Variants in RIPK1 observed in about 807,000 individuals in gnomAD.
The protein encoded by RIPK1 is receptor-interacting serine/threonine-protein kinase 1.
In RIPK1, 27 loss-of-function variants were observed where a neutral mutation model predicts 62.4. The observed-to-expected ratio is 0.43, with a 90% CI of 0.32 to 0.60. The LOEUF is 0.60. RIPK1 is among the 20% of genes least tolerant of loss of function. The probability of loss-of-function intolerance (pLI) is 0.07; values close to 1 mark genes in which losing one functional copy is unlikely to be tolerated. For missense variants in RIPK1, 735 were observed against 831.0 expected, an observed-to-expected ratio of 0.88 and a Z score of 1.42; for synonymous variants, 287 against 303.2, an observed-to-expected ratio of 0.95 and a Z score of 0.55.
At position 3,113,640 on chromosome 6, in the gene RIPK1, G is replaced by A. The variant is rs1410343186; in HGVS notation, c.*301G>A. ...GCGCCCAGCCAACAATCCGCTCTGA[G>A]GAAAGCGTAAGCAGGAAGACCTCTT... On this transcript the variant is annotated 3_prime_UTR_variant, in exon 11 of 11. Coordinates refer to ENST00000259808, the MANE Select transcript of RIPK1 (RefSeq NM_001354930.2). This position sits in a 1 kb window ranked among gnomAD's most constrained non-coding sequence, Gnocchi z 5.0. The A allele has an allele frequency of 3.2e-6, 1 of 315,480 alleles. No individual in the cohort carries two copies. The allele number at this position is 315,480 out of a possible 1,614,324, so 19.5% of individuals were successfully genotyped here.
rs534234009 is a variant in RIPK1, at chr6:3,072,087, C to G, written c.-61+3426C>G. ...TAACTGATTCTCTCCTCTGTACATG[C>G]TAAGTGTTTTACCTACTTTTGCTGT... On this transcript the variant is annotated intron_variant, in intron 1 of 10. Transcript: ENST00000259808. The surrounding 1 kb of genome is among the most constrained non-coding windows in gnomAD (Gnocchi z 5.6). 6.6e-6 allele frequency among the ~76,000 whole-genome samples: 1 copy of G among 152,302 alleles called. No homozygotes were observed. Among genetic ancestry groups the G allele is most frequent in the East Asian group, 1.9e-4 (1 of 5,194 alleles).
intron 7 of RIPK1, among the ~76,000 whole-genome samples, chr6:3,090,043 C>T (rs530745672): frequency 6.6e-5 from 10 of 152,264 alleles, no homozygotes; most frequent in African/African-American, 1.9e-4. Context: ...GAAGAAGTAC[C>T]GGAGGGGCAG....
intron 3 of RIPK1, among the ~76,000 whole-genome samples, chr6:3,078,623 T>C (rs1041771677): frequency 6.6e-6 from 1 of 152,248 alleles, no homozygotes; most frequent in African/African-American, 2.4e-5. Flanking sequence ...ATATACACTA[T>C]AAATGACCGT....
At chr6:3,071,945 C>T (rs545955217) in intron 1 of RIPK1, among the ~76,000 whole-genome samples, 58 of 152,342 alleles carry the variant, frequency 3.8e-4, no homozygotes, top group African/African-American at 1.2e-3. Flanking sequence ...TTTTTCAGGG[C>T]ATGTTGTAGT....
chr6:3,070,625 A>G (rs1758661350), intron 1 of RIPK1, among the ~76,000 whole-genome samples: 1 of 150,862 alleles, frequency 6.6e-6, no homozygotes, highest in Non-Finnish European at 1.5e-5. Flanking sequence ...TTTAGTAGAG[A>G]CAGGGCTTCA....
At chr6:3,112,132 G>A (rs1483054560) in intron 10 of RIPK1, among the ~76,000 whole-genome samples, 1 of 152,124 alleles carries the variant, frequency 6.6e-6, no homozygotes, top group South Asian at 2.1e-4. Flanking sequence ...AGGCAATGTC[G>A]GTCGGCAGTG....
intron 8 of RIPK1, among the ~76,000 whole-genome samples, chr6:3,104,637 G>T (rs17548280): frequency 6.6e-6 from 1 of 151,902 alleles, no homozygotes; most frequent in Non-Finnish European, 1.5e-5. Context: ...TACAGCCAGG[G>T]TACAAGCAGA....
intron 7 of RIPK1, among the ~76,000 whole-genome samples, chr6:3,095,416 A>C (rs1035232795): frequency 7.2e-5 from 11 of 152,224 alleles, no homozygotes; most frequent in Non-Finnish European, 1.5e-4. Context: ...TTCTCTAGAT[A>C]ATAGAGAAGA....
intron 4 of RIPK1, among the ~76,000 whole-genome samples, chr6:3,082,747 A>C (rs1581395416): frequency 6.6e-6 from 1 of 152,300 alleles, no homozygotes; most frequent in South Asian, 2.1e-4. Context: ...TAGTTGAAAA[A>C]CATACGCAGA....
chr6:3,113,029 C>A lies in RIPK1; in HGVS notation c.1730-24C>A. ...GTTTGAATGGGTTTTAGCTTGATACCTTCTTCTTTTTCCCATTTGGCAGAT... is the reference window on the plus strand; with the variant it reads ...GTTTGAATGGGTTTTAGCTTGATACATTCTTCTTTTTCCCATTTGGCAGAT... On this transcript the variant is annotated intron_variant, in intron 10 of 10. Transcript: ENST00000259808. The surrounding 1 kb of genome is among the most constrained non-coding windows in gnomAD (Gnocchi z 5.0). 1 of 1,511,734 alleles carries A rather than the reference C, an allele frequency of 6.6e-7. No individual in the cohort carries two copies. The highest frequency in any genetic ancestry group is 1.4e-5 in the South Asian group (1 of 73,074). The allele number at this position is 1,511,734 out of a possible 1,614,324, so 93.6% of individuals were successfully genotyped here.
At chr6:3,071,924 T>C (rs1357773767) in intron 1 of RIPK1, among the ~76,000 whole-genome samples, 1 of 152,230 alleles carries the variant, frequency 6.6e-6, no homozygotes, top group Non-Finnish European at 1.5e-5. Context: ...AACCTTTTAC[T>C]CAAAAGGGCA....
chr6:3,070,989 C>T (rs971146033), intron 1 of RIPK1, among the ~76,000 whole-genome samples: 1 of 152,192 alleles, frequency 6.6e-6, no homozygotes, highest in Non-Finnish European at 1.5e-5. Context: ...TCTTTATTTG[C>T]AAATTGAAAT....
chr6:3,073,677 C>T (rs1758887135), intron 1 of RIPK1, among the ~76,000 whole-genome samples: 1 of 152,310 alleles, frequency 6.6e-6, no homozygotes, highest in African/African-American at 2.4e-5. Flanking sequence ...GAGCTTCCTC[C>T]GCTAGACAGA....
intron 7 of RIPK1, among the ~76,000 whole-genome samples, chr6:3,100,719 T>G (rs1271948767): frequency 7.1e-6 from 1 of 141,528 alleles, no homozygotes; most frequent in African/African-American, 3.2e-5. Flanking sequence ...GCCTCCCGAG[T>G]AGCTGGGATT....
chr6:3,097,305 C>G (rs570118404), intron 7 of RIPK1, among the ~76,000 whole-genome samples: 2 of 152,238 alleles, frequency 1.3e-5, no homozygotes, highest in African/African-American at 4.8e-5. Flanking sequence ...TGAAGAAGGA[C>G]AAGACTAGTA....
chr6:3,068,428 G>T, upstream of RIPK1: 7 of 985,470 alleles, frequency 7.1e-6, no homozygotes, highest in Non-Finnish European at 8.4e-6. Flanking sequence ...CACGAGCGGC[G>T]GGGCGGCGCT....
In RIPK1 at chr6:3,085,452, T is replaced by A; in HGVS notation, c.838+44T>A. On this transcript the variant is annotated intron_variant, in intron 6 of 10. Coordinates refer to ENST00000259808, the MANE Select transcript of RIPK1 (RefSeq NM_001354930.2). ...ACTGTGTAGGATGCATCCTGTGTGG[T>A]GATTTTCCTAGTAACATATTGTTAG... The A allele has an allele frequency of 2.5e-6, 4 of 1,596,326 alleles. No individual in the cohort carries two copies. In the Middle Eastern group the frequency reaches 5.0e-4, roughly 200 times the overall value.
intron 3 of RIPK1, 65 bp downstream of exon 3, chr6:3,078,000 C>G: frequency 1.3e-6 from 2 of 1,518,218 alleles, no homozygotes; most frequent in Non-Finnish European, 1.8e-6. Context: ...TTATGGCTCC[C>G]CTTGGGGTGT....
rs544865989 is a variant in RIPK1 at position 3,097,163 on chromosome 6, G to C, written c.916-7062G>C. On this transcript the variant is annotated intron_variant, in intron 7 of 10. Coordinates refer to ENST00000259808, the MANE Select transcript of RIPK1 (RefSeq NM_001354930.2). The stretch of plus-strand genomic sequence containing the variant: ...TGGGATTACAGGTGTGAGCCACCAC[G>C]CCCAGCCTATATCTCAACCTTTTAG... Among the ~76,000 whole-genome samples the C allele has an allele frequency of 3.3e-5, 5 of 152,214 alleles. No individual in the cohort carries two copies. In the East Asian group the frequency reaches 5.8e-4, roughly 18 times the overall value.
Sources: allele counts gnomAD v4.1 joint callset (sites outside exome capture counted in the v4.1 genomes callset), GRCh38; gene constraint gnomAD v4.1.1; non-coding constraint Gnocchi (gnomAD v3.1); transcripts MANE v1.5; gene names NCBI Gene and HGNC (gene_info 2026-07-23, HGNC 2026-07-21).